Variants in DOCK4 observed in about 807,000 individuals in gnomAD.
DOCK4 encodes the protein dedicator of cytokinesis protein 4.
A neutral mutation model predicts 268.1 loss-of-function variants in DOCK4; 97 were observed. The ratio of observed to expected loss-of-function variants is 0.36; its 90% CI spans 0.31 to 0.43. The LOEUF (loss-of-function observed/expected upper bound fraction) is 0.43, where lower values mean the gene tolerates loss of function less well. DOCK4 is among the 20% of genes least tolerant of loss of function. DOCK4 has a pLI of 1.00. For missense variants in DOCK4, 2,145 were observed against 2,455.7 expected, an observed-to-expected ratio of 0.87 and a Z score of 2.67; for synonymous variants, 954 against 887.2, an observed-to-expected ratio of 1.08 and a Z score of -1.34.
Position 111,981,567 on chromosome 7 carries a change from C to T in DOCK4, c.549+2739G>A, listed in dbSNP as rs532768327. ...CAAAGTAAAAAAGAAAAAGAAACTG[C>T]CTTAAAGAAAAGCACATGCTCTTCT... is the stretch of plus-strand genomic sequence containing the variant. On this transcript the variant is annotated intron_variant, in intron 7 of 52. Transcript: ENST00000428084. 2.0e-4 allele frequency among the ~76,000 whole-genome samples: 30 copies of T among 152,192 alleles called. No homozygotes were observed. The South Asian group carries it at 5.6e-3, about 28-fold the overall frequency.
At chr7:111,964,007 G>C (rs1435747419) in intron 8 of DOCK4, among the ~76,000 whole-genome samples, 8 of 111,774 alleles carry the variant, frequency 7.2e-5, no homozygotes, top group East Asian at 3.3e-4. Context: ...CTGTCTGTTA[G>C]AAGGAAAACT....
At chr7:111,955,945 T>G (rs1796415385) in intron 8 of DOCK4, among the ~76,000 whole-genome samples, 1 of 152,178 alleles carries the variant, frequency 6.6e-6, no homozygotes, top group South Asian at 2.1e-4. Flanking sequence ...AAATACTTGC[T>G]TGAGTCTCTC....
At chr7:112,016,458 T>C (rs888370544) in intron 1 of DOCK4, among the ~76,000 whole-genome samples, 2 of 152,238 alleles carry the variant, frequency 1.3e-5, no homozygotes, top group African/African-American at 4.8e-5. Context: ...GTTTCTCCAC[T>C]GTACAGTTAC....
At chr7:112,081,419 C>T (rs1270194622) in intron 1 of DOCK4, among the ~76,000 whole-genome samples, 1 of 152,082 alleles carries the variant, frequency 6.6e-6, no homozygotes, top group Non-Finnish European at 1.5e-5. Flanking sequence ...ATCCCAGACT[C>T]AGGGTGAGGA....
At chr7:112,144,284 T>C (rs1815221493) in intron 1 of DOCK4, among the ~76,000 whole-genome samples, 3 of 152,216 alleles carry the variant, frequency 2.0e-5, no homozygotes, top group Admixed American at 1.3e-4. Context: ...AGTAGTCCAC[T>C]ATGAACTAAG....
At chr7:111,746,186 GC>G (rs1796253271) in intron 44 of DOCK4, 147 bp downstream of exon 44, 1 of 582,334 alleles carries the variant, frequency 1.7e-6, no homozygotes, top group East Asian at 3.0e-5. Flanking sequence ...GTAGAAATTA[GC>G]AAGCTGGGAT....
At chr7:111,728,811 G>A (rs1363405599) in intron 52 of DOCK4, 91 bp from the exon 53 acceptor site, 17 of 1,301,704 alleles carry the variant, frequency 1.3e-5, no homozygotes, top group Non-Finnish European at 1.7e-5. Context: ...CGGAGGCCCC[G>A]GCCCCCAGCA....
At chr7:112,144,527 T>C (rs1815253638) in intron 1 of DOCK4, among the ~76,000 whole-genome samples, 1 of 152,190 alleles carries the variant, frequency 6.6e-6, no homozygotes. Flanking sequence ...CCCAGGCAGA[T>C]GGCACTAGGC....
chr7:111,758,886 A>C (rs147234771), intron 40 of DOCK4, 96 bp from the exon 41 acceptor site: 3 of 1,123,006 alleles, frequency 2.7e-6, no homozygotes, highest in Non-Finnish European at 3.8e-6. Context: ...GATGGGTAAC[A>C]ATCTTCTGTT....
intron 8 of DOCK4, among the ~76,000 whole-genome samples, chr7:111,952,255 T>C (rs911709840): frequency 6.6e-6 from 1 of 152,162 alleles, no homozygotes; most frequent in African/African-American, 2.4e-5. Context: ...CAAAAAGACC[T>C]CTAATGATGA....
chr7:111,909,699 C>G (rs1240212963), intron 13 of DOCK4, among the ~76,000 whole-genome samples: 1 of 152,212 alleles, frequency 6.6e-6, no homozygotes, highest in Non-Finnish European at 1.5e-5. Flanking sequence ...GTGGCCCATG[C>G]CTGTAATTGC....
intron 28 of DOCK4, 99 bp from the exon 29 acceptor site, chr7:111,809,500 G>A: frequency 9.8e-7 from 1 of 1,016,190 alleles, no homozygotes; most frequent in East Asian, 2.6e-5. Context: ...GTGGTTGAGG[G>A]TATAGTTGAA....
At chr7:111,979,838 T>C (rs1586561035) in intron 7 of DOCK4, among the ~76,000 whole-genome samples, 1 of 152,198 alleles carries the variant, frequency 6.6e-6, no homozygotes, top group African/African-American at 2.4e-5. Flanking sequence ...ATGCAATGAA[T>C]CCAATATATC....
At chr7:112,185,165 C>G (rs991819858) in intron 1 of DOCK4, among the ~76,000 whole-genome samples, 1 of 152,196 alleles carries the variant, frequency 6.6e-6, no homozygotes, top group Non-Finnish European at 1.5e-5. Context: ...GTGGGGGCCA[C>G]AGCTGGTCTT....
chr7:111,808,946 T>C (rs1586048351), intron 29 of DOCK4, 67 bp from the exon 30 acceptor site: 1 of 1,517,826 alleles, frequency 6.6e-7, no homozygotes, highest in South Asian at 1.2e-5. Flanking sequence ...TGTGTGTCTT[T>C]AGGATACAAT....
rs1417882291 is a variant in DOCK4, at chr7:112,014,737, T to A, written c.38-10606A>T. On this transcript the variant is annotated intron_variant, in intron 1 of 52. Transcript: ENST00000428084. The stretch of plus-strand genomic sequence containing the variant: ...TTTAATTTTGAATTAATTTCAGATT[T>A]ATAAGAAAGTTACAAAAATAAGCCA... Among the ~76,000 whole-genome samples the A allele has an allele frequency of 2.0e-5, 3 of 152,256 alleles. No homozygotes were observed. The East Asian group carries it at 5.8e-4, about 29-fold the overall frequency.
chr7:111,934,506 T>C (rs530873655), intron 12 of DOCK4, among the ~76,000 whole-genome samples: 1 of 146,996 alleles, frequency 6.8e-6, no homozygotes, highest in East Asian at 2.0e-4. Flanking sequence ...CAGCGAAGCA[T>C]GTTTTGTTTT....
Position 111,741,663 on chromosome 7 carries a change from T to A in DOCK4, c.4798-2A>T. 1 of 1,612,004 alleles carries A rather than the reference T, an allele frequency of 6.2e-7. No homozygotes were observed. The highest frequency in any genetic ancestry group is 1.1e-5 in the South Asian group (1 of 90,518). Reference sequence around the variant, plus strand: ...GGCTTGCATACAAGCAGAGAACTCCTAAAGATGTAGTAAAGGAAATATCTC... The same window carrying A: ...GGCTTGCATACAAGCAGAGAACTCCAAAAGATGTAGTAAAGGAAATATCTC... On this transcript the variant is annotated splice_acceptor_variant, in intron 45 of 52. Coordinates refer to ENST00000428084, the MANE Select transcript of DOCK4 (RefSeq NM_001363540.2). LOFTEE classifies it high-confidence loss of function.
rs1791013292 is a variant in DOCK4, at chr7:111,900,081, G to A, written c.1480+293C>T. Among the ~76,000 whole-genome samples, 3 of 152,172 alleles carry A rather than the reference G, an allele frequency of 2.0e-5. 1 individual carries two copies. The South Asian group carries it at 6.2e-4, about 32-fold the overall frequency. ...CAGATATGCATCTGAACTGGCCAAAGGCTTTCCCAGTGGCTTCACATGCCA... is the reference window on the plus strand; with the variant it reads ...CAGATATGCATCTGAACTGGCCAAAAGCTTTCCCAGTGGCTTCACATGCCA... On this transcript the variant is annotated intron_variant, in intron 15 of 52. Coordinates refer to ENST00000428084, the MANE Select transcript of DOCK4 (RefSeq NM_001363540.2).
Sources: gnomAD v4.1 joint callset for allele counts (sites outside exome capture counted in the v4.1 genomes callset) on GRCh38, gnomAD v4.1.1 for gene constraint, MANE v1.5 for transcripts, NCBI Gene and HGNC (gene_info 2026-07-23, HGNC 2026-07-21) for gene names.